LIMK2: variants seen among roughly 807,000 people sequenced by gnomAD.
LIMK2 encodes the protein LIM domain kinase 2.
A neutral mutation model predicts 75.7 loss-of-function variants in LIMK2; 35 were observed. The observed-to-expected ratio is 0.46, with a 90% CI of 0.35 to 0.61. The LOEUF (loss-of-function observed/expected upper bound fraction) is 0.61, where lower values mean the gene tolerates loss of function less well. Among genes scored for constraint, LIMK2 ranks in the 20% least tolerant of loss-of-function variants. The pLI is 0.00. For synonymous variants in LIMK2, 301 were observed against 319.2 expected (o/e 0.94, Z 0.61); for missense variants, 623 against 831.0 (o/e 0.75, Z 3.08).
chr22:31,247,278 G>C (rs2048679739), intron 2 of LIMK2, among the ~76,000 whole-genome samples: 1 of 152,182 alleles, frequency 6.6e-6, no homozygotes, highest in Admixed American at 6.5e-5. Flanking sequence ...AGGGAGACAA[G>C]GGCTTTCTAC....
rs1434084207 is a variant in LIMK2, at chr22:31,225,235, C to T, written c.17-485C>T. Among the ~76,000 whole-genome samples, 3 of 151,910 alleles carry T rather than the reference C, an allele frequency of 2.0e-5. No homozygotes were observed. The East Asian group carries it at 5.8e-4, about 29-fold the overall frequency. ...ATTCAATGTTGGTTGAGTAAATGAGCTCTTGGATTAGGTGATGGAAAAATC... is the reference window on the plus strand; with the variant it reads ...ATTCAATGTTGGTTGAGTAAATGAGTTCTTGGATTAGGTGATGGAAAAATC... On this transcript the variant is annotated intron_variant, in intron 1 of 15. Transcript: ENST00000331728.
intron 2 of LIMK2, among the ~76,000 whole-genome samples, chr22:31,236,908 CT>C (rs202201745): frequency 0.086 from 12,873 of 150,028 alleles, 829 homozygotes; most frequent in East Asian, 0.4. Context: ...CAGAGCGAGA[CT>C]CTGTCTCAAT....
intron 1 of LIMK2, 94 bp from the exon 2 acceptor site, chr22:31,225,626 A>G: frequency 1.1e-6 from 1 of 875,212 alleles, no homozygotes; most frequent in Non-Finnish European, 1.9e-6. Context: ...TTCAAATGAG[A>G]TGCTGTTAAC....
At position 31,258,394 on chromosome 22, in the gene LIMK2, G is replaced by C. The variant is rs368850347; in HGVS notation, c.220G>C (p.Gly74Arg). The C allele has an allele frequency of 1.2e-6, 2 of 1,614,122 alleles. No homozygotes were observed. Among genetic ancestry groups the C allele is most frequent in the Non-Finnish European group, 1.7e-6 (2 of 1,179,970 alleles). Residue 74 changes from glycine to arginine, a missense_variant, in exon 3 of 16, where the codon GGG (glycine) becomes CGG (arginine). Gly to Arg is a moderately radical substitution (Grantham distance 125). Transcript: ENST00000331728. The part of the protein sequence containing the change: ...YWGKFGEFCH[G>R]CSLLMTGPFM... ...GGGGAAGTTTGGGGAGTTCTGTCAT[G>C]GGTGCTCCCTGCTGATGACAGGGCC... is the stretch of plus-strand genomic sequence containing the variant.
intron 1 of LIMK2, among the ~76,000 whole-genome samples, chr22:31,218,885 A>T (rs1385125424): frequency 6.6e-6 from 1 of 152,186 alleles, no homozygotes; most frequent in African/African-American, 2.4e-5. Context: ...AGATTTTTTT[A>T]AATGAAAGGA....
intron 2 of LIMK2, among the ~76,000 whole-genome samples, chr22:31,233,228 A>G (rs1216792108): frequency 3.3e-5 from 5 of 152,196 alleles, no homozygotes; most frequent in Non-Finnish European, 7.4e-5. Flanking sequence ...TTCCTTGTCT[A>G]TGAAAAGGGA....
rs1046890002 is a variant in LIMK2, at chr22:31,246,216, C to T, written c.117-12075C>T. The stretch of plus-strand genomic sequence containing the variant: ...ACACACACACACACACACACACACA[C>T]GCTGGGTATGGTGGCCAGCACGTGT... On this transcript the variant is annotated intron_variant, in intron 2 of 15. Transcript: ENST00000331728. 1.2e-4 allele frequency among the ~76,000 whole-genome samples: 18 copies of T among 146,358 alleles called. 1 individual carries two copies. The highest frequency in any genetic ancestry group is 1.2e-3 in the Admixed American group (17 of 14,616).
At chr22:31,271,532 C>A (rs1012122240) in intron 12 of LIMK2, among the ~76,000 whole-genome samples, 1 of 152,152 alleles carries the variant, frequency 6.6e-6, no homozygotes, top group Admixed American at 6.5e-5. Flanking sequence ...ATTGCTGACC[C>A]CATTTTACAG....
chr22:31,276,757 G>C (rs758362249), intron 15 of LIMK2: 1 of 1,581,874 alleles, frequency 6.3e-7, no homozygotes, highest in South Asian at 1.1e-5. Context: ...AGGCCAGGCA[G>C]TGGCGGCCAA....
chr22:31,271,167 G>C lies in LIMK2; in HGVS notation c.1349G>C (p.Arg450Pro). The change falls in exon 12 of 16, where the codon CGG becomes CCG. Residue 450 changes from arginine to proline, a missense_variant. Arg to Pro is a moderately radical substitution (Grantham distance 103). Transcript: ENST00000331728. Reference sequence around the variant, plus strand: ...TTGCACTCTATGTGCATCATCCACCGGGATCTGAACTCGCACAACTGCCTC... The same window carrying C: ...TTGCACTCTATGTGCATCATCCACCCGGATCTGAACTCGCACAACTGCCTC... ...AYLHSMCIIH[R>P]DLNSHNCLIK... 6.2e-7 allele frequency: 1 copy of C among 1,614,066 alleles called. No homozygotes were observed. Among genetic ancestry groups the C allele is most frequent in the Non-Finnish European group, 8.5e-7 (1 of 1,179,972 alleles).
At chr22:31,249,138 A>G (rs1468422499) in intron 2 of LIMK2, among the ~76,000 whole-genome samples, 1 of 152,172 alleles carries the variant, frequency 6.6e-6, no homozygotes, top group Non-Finnish European at 1.5e-5. Flanking sequence ...CCTGCGGGCC[A>G]TGCTGCCTGC....
intron 2 of LIMK2, among the ~76,000 whole-genome samples, chr22:31,241,732 A>G (rs185787222): frequency 6.1e-4 from 93 of 152,290 alleles, no homozygotes; most frequent in African/African-American, 2.2e-3. Context: ...AAAGAAACCT[A>G]TGATTCAGGA....
chr22:31,266,882 G>C (rs1392699790), intron 8 of LIMK2, 102 bp from the exon 9 acceptor site: 1 of 778,198 alleles, frequency 1.3e-6, no homozygotes, highest in East Asian at 2.8e-5. Flanking sequence ...CCGGCTCAGT[G>C]TGCCCTCCAA....
At chr22:31,219,568 T>C (rs1283529060) in intron 1 of LIMK2, among the ~76,000 whole-genome samples, 1 of 152,022 alleles carries the variant, frequency 6.6e-6, no homozygotes. Flanking sequence ...CTCTTCTTTT[T>C]TTTATTTTAT....
At chr22:31,270,819 G>T (rs1000197992) in intron 11 of LIMK2, among the ~76,000 whole-genome samples, 2 of 152,186 alleles carry the variant, frequency 1.3e-5, no homozygotes, top group East Asian at 3.8e-4. Context: ...GGTGGAGGGG[G>T]TGCTGCAACG....
intron 14 of LIMK2, 73 bp downstream of exon 14, chr22:31,273,580 T>G: frequency 8.2e-7 from 1 of 1,219,370 alleles, no homozygotes; most frequent in Non-Finnish European, 1.2e-6. Flanking sequence ...AACTGGGGCA[T>G]CTCCTCCTAG....
intron 1 of LIMK2, among the ~76,000 whole-genome samples, chr22:31,222,378 T>C (rs953530594): frequency 1.7e-4 from 22 of 128,142 alleles, no homozygotes; most frequent in Non-Finnish European, 3.6e-4. Context: ...GCCTCTTTTT[T>C]TTTTTTTTTT....
At chr22:31,240,097 T>G (rs1251145608) in intron 2 of LIMK2, among the ~76,000 whole-genome samples, 2 of 152,194 alleles carry the variant, frequency 1.3e-5, no homozygotes, top group Non-Finnish European at 1.5e-5. Flanking sequence ...CTAGAGTCCC[T>G]TCTCCCATGG....
chr22:31,228,423 A>G (rs1293358618), intron 2 of LIMK2, among the ~76,000 whole-genome samples: 2 of 152,062 alleles, frequency 1.3e-5, no homozygotes, highest in African/African-American at 4.8e-5. Context: ...CCATCGCAAA[A>G]AAACAACCAC....
Sources: gnomAD v4.1 joint callset for allele counts (sites outside exome capture counted in the v4.1 genomes callset) on GRCh38, gnomAD v4.1.1 for gene constraint, MANE v1.5 for transcripts, NCBI Gene and HGNC (gene_info 2026-07-23, HGNC 2026-07-21) for gene names.